The following STXBP4 variants were observed in gnomAD, a reference collection of about 807,000 sequenced individuals.
STXBP4 encodes syntaxin binding protein 4.
Under a neutral mutation model 76.1 loss-of-function variants are expected in STXBP4, and 55 were observed. The ratio of observed to expected loss-of-function variants is 0.72; its 90% CI spans 0.58 to 0.91. The LOEUF is 0.91. Ranked by LOEUF, STXBP4 falls within the 40% of genes least tolerant of loss-of-function variation. STXBP4 has a pLI of 0.00. For missense variants in STXBP4, 618 were observed against 636.9 expected, an observed-to-expected ratio of 0.97 and a Z score of 0.32; for synonymous variants, 201 against 220.2, an observed-to-expected ratio of 0.91 and a Z score of 0.77.
chr17:55,149,077 T>C (rs2080187479), intron 17 of STXBP4, among the ~76,000 whole-genome samples: 1 of 152,206 alleles, frequency 6.6e-6, no homozygotes, highest in African/African-American at 2.4e-5. Context: ...TTAATGAGGC[T>C]ACAATGAAGA....
intron 10 of STXBP4, among the ~76,000 whole-genome samples, chr17:55,040,187 T>G (rs1279929296): frequency 6.6e-6 from 1 of 152,138 alleles, no homozygotes; most frequent in Non-Finnish European, 1.5e-5. Context: ...TCAACAATGT[T>G]ATATATAACA....
At chr17:54,981,464 A>G (rs1263083066) in intron 1 of STXBP4, among the ~76,000 whole-genome samples, 3 of 152,176 alleles carry the variant, frequency 2.0e-5, no homozygotes, top group Non-Finnish European at 1.5e-5. Flanking sequence ...TGAAAGTTGT[A>G]TCTCAAAATG....
the STXBP4 span, among the ~76,000 whole-genome samples, chr17:55,180,271 AAGT>A: frequency 1.3e-5 from 2 of 152,188 alleles, no homozygotes; most frequent in Non-Finnish European, 2.9e-5. Context: ...CATAAGGAAA[AAGT>A]AGTAATATTT....
the STXBP4 span, among the ~76,000 whole-genome samples, chr17:55,210,356 A>C: frequency 6.6e-6 from 1 of 152,128 alleles, no homozygotes; most frequent in Non-Finnish European, 1.5e-5. Context: ...CTGCACAACA[A>C]AGGAGCGCTC....
In STXBP4 at chr17:55,172,912, A is replaced by T. The variant is rs1279322050; in HGVS notation, c.*13001A>T. ...CCTGCTGTGAAGGACTGTAGAGGTTATCTAAGCCAGCTCCTCCTTTTACTG... is the reference window on the plus strand; with the variant it reads ...CCTGCTGTGAAGGACTGTAGAGGTTTTCTAAGCCAGCTCCTCCTTTTACTG... On this transcript the variant is annotated 3_prime_UTR_variant, in exon 18 of 18. Coordinates refer to ENST00000376352, the MANE Select transcript of STXBP4 (RefSeq NM_178509.6). 2.6e-5 allele frequency: 4 copies of T among 152,264 alleles called. No homozygotes were observed. The highest frequency in any genetic ancestry group is 2.6e-4 in the Admixed American group (4 of 15,288). 9.4% of individuals were successfully genotyped at this position (152,264 alleles called of 1,614,324 possible).
Position 55,172,854 on chromosome 17 carries a change from C to CACCT in STXBP4, c.*12946_*12949dup, listed in dbSNP as rs1199367609. ...AAGCCAGGACAGGTAGGTCACCCTG[C>CACCT]ACCTACACAAGGACTGAGCTGAGTT... is the stretch of plus-strand genomic sequence containing the variant. On this transcript the variant is annotated 3_prime_UTR_variant, in exon 18 of 18. Transcript: ENST00000376352. 3 of 152,194 alleles carry CACCT rather than the reference C, an allele frequency of 2.0e-5. No homozygotes were observed. Among genetic ancestry groups the CACCT allele is most frequent in the African/African-American group, 7.2e-5 (3 of 41,448 alleles). The allele number at this position is 152,194 out of a possible 1,614,324, so 9.4% of individuals were successfully genotyped here. A position where few individuals can be genotyped will look rare whatever the true frequency, so the allele number is the denominator to read the frequency against.
chr17:55,000,898 A>G lies in STXBP4; in HGVS notation c.574+15A>G, dbSNP rs1323719741. The stretch of plus-strand genomic sequence containing the variant: ...GTCTAATACAGGTAAATACACATTT[A>G]ATTTCTATTTCCTGTTTTTTATTTC... On this transcript the variant is annotated intron_variant, in intron 7 of 17. Coordinates refer to ENST00000376352, the MANE Select transcript of STXBP4 (RefSeq NM_178509.6). 6.7e-7 allele frequency: 1 copy of G among 1,502,146 alleles called. No individual in the cohort carries two copies. Among genetic ancestry groups the G allele is most frequent in the South Asian group, 1.2e-5 (1 of 86,414 alleles). The allele number at this position is 1,502,146 out of a possible 1,614,324, so 93.1% of individuals were successfully genotyped here. A position where few individuals can be genotyped will look rare whatever the true frequency, so the allele number is the denominator to read the frequency against.
the STXBP4 span, among the ~76,000 whole-genome samples, chr17:55,189,342 C>A: frequency 2.0e-5 from 3 of 152,166 alleles, no homozygotes; most frequent in African/African-American, 7.2e-5. Context: ...AAATGTGTGA[C>A]TTGAACAAGC....
In STXBP4 at chr17:55,071,198, G is replaced by A. The variant is rs191403390; in HGVS notation, c.1012-1702G>A. Reference sequence around the variant, plus strand: ...TTTAAAATTTAAGTCAGATCACATCGATTCTCTGCCCAAAACCCTCCAATC... The same window carrying A: ...TTTAAAATTTAAGTCAGATCACATCAATTCTCTGCCCAAAACCCTCCAATC... On this transcript the variant is annotated intron_variant, in intron 12 of 17. Transcript: ENST00000376352. Among the ~76,000 whole-genome samples, 14 of 152,140 alleles carry A rather than the reference G, an allele frequency of 9.2e-5. No homozygotes were observed. In the East Asian group the frequency reaches 1.7e-3, roughly 19 times the overall value.
In STXBP4 at chr17:54,999,858, T is replaced by TATATA; in HGVS notation, c.498+16_498+17insATATA. ...TTCTTGTGAGGTAAGTCAGGTAATC[T>TATATA]TAAATTTCTCTATATATGCACTCCA... On this transcript the variant is annotated intron_variant, in intron 6 of 17. Coordinates refer to ENST00000376352, the MANE Select transcript of STXBP4 (RefSeq NM_178509.6). 6.4e-7 allele frequency: 1 copy of TATATA among 1,566,566 alleles called. No individual in the cohort carries two copies. Among genetic ancestry groups the TATATA allele is most frequent in the Non-Finnish European group, 8.8e-7 (1 of 1,139,998 alleles).
intron 16 of STXBP4, among the ~76,000 whole-genome samples, chr17:55,098,350 G>A (rs911622621): frequency 2.6e-5 from 4 of 152,100 alleles, no homozygotes; most frequent in Non-Finnish European, 5.9e-5. Context: ...TGTCTAACTA[G>A]CAGCCTCAAA....
the STXBP4 span, among the ~76,000 whole-genome samples, chr17:55,189,216 ATAGAT>A: frequency 6.6e-6 from 1 of 152,216 alleles, no homozygotes; most frequent in Non-Finnish European, 1.5e-5. Context: ...TAAAACATTA[ATAGAT>A]TAAATGAAAA....
chr17:55,085,613 A>G (rs1197690741), intron 16 of STXBP4, among the ~76,000 whole-genome samples: 1 of 152,066 alleles, frequency 6.6e-6, no homozygotes, highest in East Asian at 1.9e-4. Context: ...TGAAAAAAGA[A>G]TGAGAAAGAG....
At chr17:55,070,152 T>C (rs2079103882) in intron 12 of STXBP4, among the ~76,000 whole-genome samples, 1 of 152,216 alleles carries the variant, frequency 6.6e-6, no homozygotes, top group African/African-American at 2.4e-5. Flanking sequence ...CTGCCAAATC[T>C]TAGCTCTGTC....
At chr17:55,209,681 A>T in the STXBP4 span, among the ~76,000 whole-genome samples, 1 of 152,320 alleles carries the variant, frequency 6.6e-6, no homozygotes, top group East Asian at 1.9e-4. Flanking sequence ...ACACGTGCTC[A>T]ACTAGTCAAT....
intron 16 of STXBP4, among the ~76,000 whole-genome samples, chr17:55,124,159 A>G (rs1195563183): frequency 1.3e-5 from 2 of 152,200 alleles, no homozygotes; most frequent in Non-Finnish European, 2.9e-5. Flanking sequence ...GAGAAGAAAT[A>G]GGAAAACAGC....
chr17:54,987,774 C>T (rs1427960179), intron 3 of STXBP4, among the ~76,000 whole-genome samples: 2 of 152,056 alleles, frequency 1.3e-5, no homozygotes, highest in Non-Finnish European at 2.9e-5. Context: ...TAGAGGTTAC[C>T]AATTTATCTC....
intron 12 of STXBP4, among the ~76,000 whole-genome samples, chr17:55,058,797 G>T (rs1237669242): frequency 6.6e-6 from 1 of 151,986 alleles, no homozygotes; most frequent in Non-Finnish European, 1.5e-5. Context: ...TCTAAAAATG[G>T]TTTTCTTTTT....
At chr17:54,991,098 G>A (rs2077710502) in intron 4 of STXBP4, 141 bp downstream of exon 4, 19 of 906,650 alleles carry the variant, frequency 2.1e-5, no homozygotes, top group Non-Finnish European at 2.7e-5. Context: ...TAGAAGATAA[G>A]ACTATTGCCC....
Sources: gnomAD v4.1 joint callset for allele counts (sites outside exome capture counted in the v4.1 genomes callset) on GRCh38, gnomAD v4.1.1 for gene constraint, MANE v1.5 for transcripts, NCBI Gene and HGNC (gene_info 2026-07-23, HGNC 2026-07-21) for gene names.